The following CDH4 variants were observed in gnomAD, a reference collection of about 807,000 sequenced individuals.
CDH4 encodes cadherin 4.
CDH4 carries 33 observed loss-of-function variants against 86.0 expected under a neutral mutation model. The ratio of observed to expected loss-of-function variants is 0.38; its 90% CI spans 0.29 to 0.51. CDH4 has a LOEUF of 0.51. CDH4 is among the 20% of genes least tolerant of loss of function. The pLI, the probability that CDH4 is intolerant of heterozygous loss-of-function variation, is 0.86. For missense variants in CDH4, 1,114 were observed against 1,307.4 expected (o/e 0.85, Z 2.28); for synonymous variants, 555 against 549.4 (o/e 1.01, Z -0.14).
intron 2 of CDH4, among the ~76,000 whole-genome samples, chr20:61,458,207 TTGA>T (rs149827518): frequency 0.018 from 2,661 of 148,880 alleles, 81 homozygotes; most frequent in African/African-American, 0.063. Flanking sequence ...GGTCATGATG[TTGA>T]TGACAGTGCT....
intron 2 of CDH4, among the ~76,000 whole-genome samples, chr20:61,628,770 C>G (rs1476345895): frequency 6.6e-6 from 1 of 152,226 alleles, no homozygotes; most frequent in Non-Finnish European, 1.5e-5. Context: ...AGAGCCTGCT[C>G]CCCAGCCCTG....
chr20:61,418,540 G>A lies in CDH4; in HGVS notation c.169+163603G>A, dbSNP rs191210445. On this transcript the variant is annotated intron_variant, in intron 2 of 15. Transcript: ENST00000614565. ...TTTTTTGACTAAGTGAGGTTATTGT[G>A]TGAGCTGGTTTTCCTCCCCAAACCT... Among the ~76,000 whole-genome samples the A allele has an allele frequency of 2.9e-3, 442 of 152,260 alleles. 5 individuals carry two copies. Among genetic ancestry groups the A allele is most frequent in the African/African-American group, 9.9e-3 (412 of 41,550 alleles).
chr20:61,419,749 C>G (rs1184715800), intron 2 of CDH4, among the ~76,000 whole-genome samples: 1 of 152,282 alleles, frequency 6.6e-6, no homozygotes, highest in African/African-American at 2.4e-5. Flanking sequence ...CTGGCCAATT[C>G]CATCTAACCC....
At chr20:61,304,252 T>G (rs1472924956) in intron 2 of CDH4, among the ~76,000 whole-genome samples, 1 of 122,452 alleles carries the variant, frequency 8.2e-6, no homozygotes, top group African/African-American at 2.9e-5. Flanking sequence ...GGATTGAAGA[T>G]AGTGGACGGC....
At chr20:61,687,500 T>C (rs982376665) in intron 2 of CDH4, among the ~76,000 whole-genome samples, 3 of 151,790 alleles carry the variant, frequency 2.0e-5, no homozygotes, top group Non-Finnish European at 4.4e-5. Flanking sequence ...CAGGCAGGAG[T>C]TTAATCAGTA....
rs543046985 is a variant in CDH4 at position 61,663,009 on chromosome 20, C to T, written c.170-80554C>T. The stretch of plus-strand genomic sequence containing the variant: ...CTCCTCCCCTCCCCACAGGCACTGG[C>T]ACAGCGGCCCGGGGTAGAACCCATG... On this transcript the variant is annotated intron_variant, in intron 2 of 15. Coordinates refer to ENST00000614565, the MANE Select transcript of CDH4 (RefSeq NM_001794.5). This position sits in a 1 kb window ranked among gnomAD's most constrained non-coding sequence, Gnocchi z 5.0. 5.3e-5 allele frequency among the ~76,000 whole-genome samples: 8 copies of T among 152,298 alleles called. 1 individual carries two copies. The highest frequency in any genetic ancestry group is 1.9e-4 in the African/African-American group (8 of 41,574).
chr20:61,550,217 T>G (rs2086119071), intron 2 of CDH4, among the ~76,000 whole-genome samples: 1 of 144,622 alleles, frequency 6.9e-6, no homozygotes, highest in South Asian at 2.2e-4. Flanking sequence ...CCTGTTTCCC[T>G]GGCCTCCCTG....
chr20:61,517,743 G>A lies in CDH4; in HGVS notation c.170-225820G>A, dbSNP rs116545239. Among the ~76,000 whole-genome samples, 25 of 152,328 alleles carry A rather than the reference G, an allele frequency of 1.6e-4. No homozygotes were observed. The highest frequency in any genetic ancestry group is 3.9e-4 in the Admixed American group (6 of 15,312). On this transcript the variant is annotated intron_variant, in intron 2 of 15. Transcript: ENST00000614565. This position sits in a 1 kb window ranked among gnomAD's most constrained non-coding sequence, Gnocchi z 6.6. ...AACAGCACACTCAAGGTCACCATTCGTCTTATTCTTGTCAGCTATTATATG... is the reference window on the plus strand; with the variant it reads ...AACAGCACACTCAAGGTCACCATTCATCTTATTCTTGTCAGCTATTATATG...
chr20:61,710,165 C>T lies in CDH4; in HGVS notation c.170-33398C>T, dbSNP rs115535987. Among the ~76,000 whole-genome samples, 261 of 152,304 alleles carry T rather than the reference C, an allele frequency of 1.7e-3. 1 individual carries two copies. Among genetic ancestry groups the T allele is most frequent in the African/African-American group, 6.0e-3 (250 of 41,572 alleles). ...TAGGCACTATCACCCCCACTAGCCT[C>T]AACTCGGTGTTTTTTCCCAGCCCAG... is the stretch of plus-strand genomic sequence containing the variant. On this transcript the variant is annotated intron_variant, in intron 2 of 15. Transcript: ENST00000614565.
intron 2 of CDH4, among the ~76,000 whole-genome samples, chr20:61,695,572 G>C (rs2087706770): frequency 6.6e-6 from 1 of 152,192 alleles, no homozygotes; most frequent in Admixed American, 6.5e-5. Context: ...TCTGCCATCA[G>C]CTCGGGACCT....
At chr20:61,264,329 T>C (rs895785275) in intron 2 of CDH4, among the ~76,000 whole-genome samples, 34 of 144,616 alleles carry the variant, frequency 2.4e-4, no homozygotes, top group South Asian at 4.5e-4. Context: ...CTTACACATA[T>C]CTCAGTGGCT....
chr20:61,726,027 G>A (rs1038863342), intron 2 of CDH4, among the ~76,000 whole-genome samples: 2 of 152,106 alleles, frequency 1.3e-5, no homozygotes, highest in African/African-American at 2.4e-5. Context: ...CATGGACAAC[G>A]TTCAGATATG....
chr20:61,414,029 CTGTG>C (rs1264975945), intron 2 of CDH4, among the ~76,000 whole-genome samples: 1 of 152,234 alleles, frequency 6.6e-6, no homozygotes, highest in Non-Finnish European at 1.5e-5. Flanking sequence ...GGTTGTGCCT[CTGTG>C]TGTGTCACTG....
rs148502735 is a variant in CDH4, at chr20:61,546,411, G to T, written c.170-197152G>T. On this transcript the variant is annotated intron_variant, in intron 2 of 15. Coordinates refer to ENST00000614565, the MANE Select transcript of CDH4 (RefSeq NM_001794.5). ...TGCACACATGCATGTGCGTGTGTGT[G>T]TGTGCGTTAGATGCCCACACTTTGT... Among the ~76,000 whole-genome samples, 90 of 151,942 alleles carry T rather than the reference G, an allele frequency of 5.9e-4. 1 individual carries two copies. In the East Asian group the frequency reaches 0.016, roughly 27 times the overall value.
In CDH4 at chr20:61,936,769, A is replaced by G. The variant is rs747965273; in HGVS notation, c.2577A>G (p.Ala859=). 2 of 1,606,390 alleles carry G rather than the reference A, an allele frequency of 1.2e-6. No homozygotes were observed. The highest frequency in any genetic ancestry group is 2.3e-5 in the East Asian group (1 of 43,770). ...GLRAADNDPT[A]PPYDSLLVFD... is the part of the protein sequence containing the mutation. The stretch of plus-strand genomic sequence containing the variant: ...GCGCTGCTGACAACGACCCCACGGC[A>G]CCCCCCTATGACTCCCTGCTGGTCT... Residue 859 remains alanine (A), a synonymous_variant, in exon 16 of 16, where the codon GCA becomes GCG. Transcript: ENST00000614565.
chr20:61,443,868 C>T (rs1393870254), intron 2 of CDH4, among the ~76,000 whole-genome samples: 1 of 150,394 alleles, frequency 6.6e-6, no homozygotes, highest in African/African-American at 2.4e-5. Context: ...CTCTATGTGT[C>T]TATATCTCTG....
In CDH4 at chr20:61,699,751, T is replaced by TG. The variant is rs145466384; in HGVS notation, c.170-43807dup. Among the ~76,000 whole-genome samples, 95 of 148,250 alleles carry TG rather than the reference T, an allele frequency of 6.4e-4. 2 individuals carry two copies. The highest frequency in any genetic ancestry group is 3.9e-3 in the Admixed American group (59 of 15,068). ...GTCTGAGCGGGAGCAGGCCTGCTGC[T>TG]GGGGGCTTTCACCGCGGACCCGGGG... On this transcript the variant is annotated intron_variant, in intron 2 of 15. Coordinates refer to ENST00000614565, the MANE Select transcript of CDH4 (RefSeq NM_001794.5).
At position 61,779,373 on chromosome 20, in the gene CDH4, C is replaced by T. The variant is rs1205461553; in HGVS notation, c.576+6191C>T. ...CAGAGGACAAGCTAGGAAAAGAGCT[C>T]TGAAGACAAGGCTCTGGAGGGAGGT... On this transcript the variant is annotated intron_variant, in intron 4 of 15. Transcript: ENST00000614565. Among the ~76,000 whole-genome samples the T allele has an allele frequency of 2.6e-5, 4 of 152,188 alleles. No homozygotes were observed. In the South Asian group the frequency reaches 8.3e-4, roughly 31 times the overall value.
chr20:61,920,315 C>T lies in CDH4; in HGVS notation c.1375-3136C>T, dbSNP rs1296597362. ...GCATGGTATCGTGATTGTGTGGAAG[C>T]GTGGTGTGATTGTGTGGAAGCGTGG... On this transcript the variant is annotated intron_variant, in intron 9 of 15. Transcript: ENST00000614565. 4.1e-4 allele frequency among the ~76,000 whole-genome samples: 57 copies of T among 137,464 alleles called. 1 individual carries two copies. The highest frequency in any genetic ancestry group is 2.1e-3 in the Admixed American group (29 of 13,574). 90.2% of individuals were successfully genotyped at this position (137,464 alleles called of 152,430 possible).
Sources: allele counts gnomAD v4.1 joint callset (sites outside exome capture counted in the v4.1 genomes callset), GRCh38; gene constraint gnomAD v4.1.1; non-coding constraint Gnocchi (gnomAD v3.1); transcripts MANE v1.5; gene names NCBI Gene and HGNC (gene_info 2026-07-23, HGNC 2026-07-21).